BIRC3: variants seen among roughly 807,000 people sequenced by gnomAD.
The protein encoded by BIRC3 is baculoviral IAP repeat containing 3, also known as baculoviral IAP repeat-containing protein 3.
BIRC3 carries 26 observed loss-of-function variants against 59.0 expected under a neutral mutation model. The ratio of observed to expected loss-of-function variants is 0.44; its 90% CI spans 0.32 to 0.61. BIRC3 has a LOEUF of 0.61. Ranked by LOEUF, BIRC3 falls within the 20% of genes least tolerant of loss-of-function variation. The pLI, the probability that BIRC3 is intolerant of heterozygous loss-of-function variation, is 0.04. For synonymous variants in BIRC3, 243 were observed against 249.2 expected, an observed-to-expected ratio of 0.98 and a Z score of 0.24; for missense variants, 641 against 711.5, an observed-to-expected ratio of 0.90 and a Z score of 1.13.
intron 1 of BIRC3, among the ~76,000 whole-genome samples, chr11:102,317,920 A>C (rs1591517006): frequency 6.6e-6 from 1 of 152,170 alleles, no homozygotes; most frequent in African/African-American, 2.4e-5. Context: ...AGCCTAAGGC[A>C]GAGCTCTGGC....
intron 3 of BIRC3, among the ~76,000 whole-genome samples, chr11:102,326,367 T>G (rs1489469381): frequency 6.6e-6 from 1 of 152,226 alleles, no homozygotes; most frequent in Non-Finnish European, 1.5e-5. Context: ...ACGCAGCATT[T>G]TAATGTGATG....
chr11:102,328,880 A>C lies in BIRC3; in HGVS notation c.1033-17A>C. 2.3e-6 allele frequency: 1 copy of C among 426,304 alleles called. No homozygotes were observed. Among genetic ancestry groups the C allele is most frequent in the Non-Finnish European group, 2.9e-6 (1 of 340,888 alleles). 26.4% of individuals were successfully genotyped at this position (426,304 alleles called of 1,614,324 possible). A position where few individuals can be genotyped will look rare whatever the true frequency, so the allele number is the denominator to read the frequency against. ...AATTTATATATATATATATATATAT[A>C]TTTTTTTTTTCTGCAGCTGCTATCC... On this transcript the variant is annotated splice_polypyrimidine_tract_variant and intron_variant, in intron 4 of 8. Coordinates refer to ENST00000263464, the MANE Select transcript of BIRC3 (RefSeq NM_001165.5).
intron 4 of BIRC3, among the ~76,000 whole-genome samples, chr11:102,328,493 T>C (rs940983089): frequency 6.6e-6 from 1 of 152,160 alleles, no homozygotes; most frequent in Non-Finnish European, 1.5e-5. Context: ...ATAACTTACA[T>C]AATAGTTTGA....
rs143896745 is a variant in BIRC3 at position 102,336,696 on chromosome 11, T to C, written c.1580-64T>C. The stretch of plus-strand genomic sequence containing the variant: ...TAGTCTAAAGTGTTCATTTTTAAAA[T>C]AGATTCCATAGCTAAATATTAACCT... On this transcript the variant is annotated intron_variant, in intron 7 of 8. Coordinates refer to ENST00000263464, the MANE Select transcript of BIRC3 (RefSeq NM_001165.5). 3.2e-5 allele frequency: 48 copies of C among 1,486,874 alleles called. No homozygotes were observed. The East Asian group carries it at 6.4e-4, about 20-fold the overall frequency. 92.1% of individuals were successfully genotyped at this position (1,486,874 alleles called of 1,614,324 possible). A position where few individuals can be genotyped will look rare whatever the true frequency, so the allele number is the denominator to read the frequency against.
chr11:102,323,775 C>T lies in BIRC3; in HGVS notation c.-735C>T, dbSNP rs2135783648. 5.0e-6 allele frequency: 1 copy of T among 200,546 alleles called. No individual in the cohort carries two copies. The highest frequency in any genetic ancestry group is 6.0e-5 in the Admixed American group (1 of 16,620). The allele number at this position is 200,546 out of a possible 1,614,324, so 12.4% of individuals were successfully genotyped here. On this transcript the variant is annotated 5_prime_UTR_variant, in exon 2 of 9. Transcript: ENST00000263464. The stretch of plus-strand genomic sequence containing the variant: ...AATTGGAGAAAAATTGGGGATATAT[C>T]ATATTTCACTGAATTCAAAATGTCT...
chr11:102,329,653 T>C (rs1951118936), intron 5 of BIRC3, among the ~76,000 whole-genome samples: 1 of 152,116 alleles, frequency 6.6e-6, no homozygotes, highest in South Asian at 2.1e-4. Flanking sequence ...TGGATGAAGC[T>C]GGAAACCATC....
At chr11:102,326,942 A>T in intron 3 of BIRC3, 1 of 352,836 alleles carries the variant, frequency 2.8e-6, no homozygotes, top group Admixed American at 3.9e-5. Context: ...TCCTGACCTC[A>T]GGACTTTGAG....
intron 1 of BIRC3, among the ~76,000 whole-genome samples, chr11:102,317,919 C>A (rs1950987325): frequency 1.3e-5 from 2 of 152,134 alleles, no homozygotes; most frequent in African/African-American, 2.4e-5. Context: ...GAGCCTAAGG[C>A]AGAGCTCTGG....
At position 102,337,642 on chromosome 11, in the gene BIRC3, G is replaced by A. The variant is rs909315571; in HGVS notation, c.*540G>A. ...GATCAGTGTCCTATACATCGAAGGTGTGCATATATGTTGAATGACATTTTA... is the reference window on the plus strand; with the variant it reads ...GATCAGTGTCCTATACATCGAAGGTATGCATATATGTTGAATGACATTTTA... On this transcript the variant is annotated 3_prime_UTR_variant, in exon 9 of 9. Coordinates refer to ENST00000263464, the MANE Select transcript of BIRC3 (RefSeq NM_001165.5). The A allele has an allele frequency of 3.0e-6, 1 of 335,088 alleles. No homozygotes were observed. Among genetic ancestry groups the A allele is most frequent in the African/African-American group, 2.1e-5 (1 of 47,588 alleles). 20.8% of individuals were successfully genotyped at this position (335,088 alleles called of 1,614,324 possible).
chr11:102,317,995 C>T (rs889658138), intron 1 of BIRC3, among the ~76,000 whole-genome samples: 3 of 152,148 alleles, frequency 2.0e-5, no homozygotes, highest in Admixed American at 2.0e-4. Flanking sequence ...GGTAGGAAGA[C>T]AGCAGTTTTT....
At position 102,338,557 on chromosome 11, in the gene BIRC3, T is replaced by C. The variant is rs899510839; in HGVS notation, c.*1455T>C. The C allele has an allele frequency of 8.7e-6, 2 of 229,168 alleles. No individual in the cohort carries two copies. The highest frequency in any genetic ancestry group is 4.4e-5 in the African/African-American group (2 of 45,076). 14.2% of individuals were successfully genotyped at this position (229,168 alleles called of 1,614,324 possible). A position where few individuals can be genotyped will look rare whatever the true frequency, so the allele number is the denominator to read the frequency against. ...GAATAGTGATTGGAAAAAAAGGATATGATCTAATGGGAATAGACACAGGTT... is the reference window on the plus strand; with the variant it reads ...GAATAGTGATTGGAAAAAAAGGATACGATCTAATGGGAATAGACACAGGTT... On this transcript the variant is annotated 3_prime_UTR_variant, in exon 9 of 9. Coordinates refer to ENST00000263464, the MANE Select transcript of BIRC3 (RefSeq NM_001165.5).
rs1591520047 is a variant in BIRC3, at chr11:102,324,222, C to A, written c.-288C>A. ...TCCTGATGGCTTAATACACATCACT[C>A]TTCTGTGAAGGGTTTTAATTTTCAA... is the stretch of plus-strand genomic sequence containing the variant. On this transcript the variant is annotated 5_prime_UTR_variant, in exon 2 of 9. Coordinates refer to ENST00000263464, the MANE Select transcript of BIRC3 (RefSeq NM_001165.5). 1 of 293,914 alleles carries A rather than the reference C, an allele frequency of 3.4e-6. No homozygotes were observed. The highest frequency in any genetic ancestry group is 5.3e-5 in the East Asian group (1 of 18,760). 18.2% of individuals were successfully genotyped at this position (293,914 alleles called of 1,614,324 possible).
At chr11:102,326,108 C>T (rs1044569102) in intron 3 of BIRC3, among the ~76,000 whole-genome samples, 7 of 152,020 alleles carry the variant, frequency 4.6e-5, no homozygotes, top group African/African-American at 1.4e-4. Flanking sequence ...AATTGATCAC[C>T]TATTGGCAGG....
chr11:102,325,985 T>C (rs1401907720), intron 3 of BIRC3, among the ~76,000 whole-genome samples: 4 of 152,060 alleles, frequency 2.6e-5, no homozygotes, highest in African/African-American at 9.7e-5. Flanking sequence ...TACATATACA[T>C]ATAGAAATAA....
At chr11:102,328,876 A>ATTT in intron 4 of BIRC3, 21 bp from the exon 5 acceptor site, 1 of 649,358 alleles carries the variant, frequency 1.5e-6, no homozygotes, top group Non-Finnish European at 2.0e-6. Flanking sequence ...ATATATATAT[A>ATTT]TATATTTTTT....
intron 6 of BIRC3, among the ~76,000 whole-genome samples, chr11:102,331,939 C>A (rs1951146671): frequency 6.6e-6 from 1 of 152,302 alleles, no homozygotes; most frequent in Admixed American, 6.5e-5. Flanking sequence ...CCGTGCCTGG[C>A]TGGATGGTTA....
chr11:102,322,622 A>T lies in BIRC3; in HGVS notation c.-1888A>T. ...AAAATTTTTGGCCAGGGAAAGGAATATTGAAGTTAGATACAATTACTTACC... is the reference window on the plus strand; with the variant it reads ...AAAATTTTTGGCCAGGGAAAGGAATTTTGAAGTTAGATACAATTACTTACC... On this transcript the variant is annotated 5_prime_UTR_variant, in exon 2 of 9. Transcript: ENST00000263464. The T allele has an allele frequency of 4.8e-6, 1 of 207,562 alleles. No homozygotes were observed. Among genetic ancestry groups the T allele is most frequent in the African/African-American group, 2.3e-5 (1 of 44,054 alleles). The allele number at this position is 207,562 out of a possible 1,614,324, so 12.9% of individuals were successfully genotyped here. A position where few individuals can be genotyped will look rare whatever the true frequency, so the allele number is the denominator to read the frequency against.
chr11:102,333,157 T>C (rs17882347), intron 6 of BIRC3, among the ~76,000 whole-genome samples: 3,139 of 152,302 alleles, frequency 0.021, 55 homozygotes, highest in Non-Finnish European at 0.034. Context: ...ATAGTCTGTG[T>C]TGTGAGTGAG....
At chr11:102,318,457 G>A (rs986109425) in intron 1 of BIRC3, among the ~76,000 whole-genome samples, 1 of 152,166 alleles carries the variant, frequency 6.6e-6, no homozygotes, top group Non-Finnish European at 1.5e-5. Context: ...CTTCTTCAAC[G>A]GGAAGTCTTC....
Sources: allele counts gnomAD v4.1 joint callset (sites outside exome capture counted in the v4.1 genomes callset), GRCh38; gene constraint gnomAD v4.1.1; transcripts MANE v1.5; gene names NCBI Gene and HGNC (gene_info 2026-07-23, HGNC 2026-07-21).